ACLY: variants seen among roughly 807,000 people sequenced by gnomAD.
The protein encoded by ACLY is ATP citrate lyase, also known as ATP-citrate synthase.
Under a neutral mutation model 133.0 loss-of-function variants are expected in ACLY, and 41 were observed. The ratio of observed to expected loss-of-function variants is 0.31; its 90% CI spans 0.24 to 0.40. The LOEUF is 0.40. Ranked by LOEUF, ACLY falls within the 10% of genes least tolerant of loss-of-function variation. The probability of loss-of-function intolerance (pLI) is 1.00; values close to 1 mark genes in which losing one functional copy is unlikely to be tolerated. For synonymous variants in ACLY, 495 were observed against 549.3 expected (o/e 0.90, Z 1.38); for missense variants, 1,046 against 1,453.8 (o/e 0.72, Z 4.56).
chr17:41,908,510 T>C (rs945867680), intron 6 of ACLY, among the ~76,000 whole-genome samples: 13 of 152,194 alleles, frequency 8.5e-5, no homozygotes, highest in Non-Finnish European at 1.8e-4. Flanking sequence ...ACGCCTGTAA[T>C]CTCAGCACTT....
chr17:41,872,017 G>C lies in ACLY; in HGVS notation c.2793+15C>G, dbSNP rs782577207. The C allele has an allele frequency of 1.2e-6, 2 of 1,613,744 alleles. No homozygotes were observed. Among genetic ancestry groups the C allele is most frequent in the South Asian group, 2.2e-5 (2 of 91,048 alleles). Reference sequence around the variant, plus strand: ...AGTGTCCCCACTGTTCACCTCCCATGATGACAGTACTTACGATGGTGAGCA... The same window carrying C: ...AGTGTCCCCACTGTTCACCTCCCATCATGACAGTACTTACGATGGTGAGCA... On this transcript the variant is annotated intron_variant, in intron 24 of 28. Transcript: ENST00000352035.
Position 41,905,529 on chromosome 17 carries a change from G to T in ACLY, c.996C>A (p.His332Gln). 1 of 1,614,198 alleles carries T rather than the reference G, an allele frequency of 6.2e-7. No homozygotes were observed. The highest frequency in any genetic ancestry group is 2.2e-5 in the East Asian group (1 of 44,882). ...TILSLMTREK[H>Q]PDGKILIIGG... ...TGTGTGCAAGTATCTCACCATCTGG[G>T]TGCTTCTCTCGGGTCATGAGGGAGA... The change falls in exon 9 of 29, where the codon CAC becomes CAA. Residue 332 changes from histidine to glutamine, a missense_variant. By Grantham distance (24) the His-to-Gln change is conservative. Coordinates refer to ENST00000352035, the MANE Select transcript of ACLY (RefSeq NM_001096.3).
chr17:41,930,536 C>G, exon 1 of ACLY: 1 of 556,634 alleles, frequency 1.8e-6, no homozygotes, highest in Non-Finnish European at 3.2e-6. Context: ...GCCCAGTGCG[C>G]GGCAGAACTG....
In ACLY at chr17:41,898,861, G is replaced by C. The variant is rs937406164; in HGVS notation, c.1184-76C>G. The C allele has an allele frequency of 7.8e-6, 11 of 1,413,214 alleles. No individual in the cohort carries two copies. The African/African-American group carries it at 1.4e-4, about 18-fold the overall frequency. The allele number at this position is 1,413,214 out of a possible 1,614,324, so 87.5% of individuals were successfully genotyped here. ...CCAAGTCCATGTGACCCTGCAAAGG[G>C]CCTTTTACAGCCATGATCAGTGTTT... On this transcript the variant is annotated intron_variant, in intron 11 of 28. Transcript: ENST00000352035.
intron 28 of ACLY, among the ~76,000 whole-genome samples, chr17:41,868,325 C>T (rs1047590701): frequency 6.6e-6 from 1 of 150,564 alleles, no homozygotes; most frequent in African/African-American, 2.4e-5. Context: ...GTAGTCCCAG[C>T]TGCTTGGGAG....
At chr17:41,889,601 G>T (rs988035462) in intron 16 of ACLY, among the ~76,000 whole-genome samples, 6 of 141,242 alleles carry the variant, frequency 4.2e-5, no homozygotes, top group Non-Finnish European at 6.0e-5. Flanking sequence ...CTTCCTCTAG[G>T]TATCAAGACA....
chr17:41,874,577 T>C (rs972127790), intron 22 of ACLY, among the ~76,000 whole-genome samples: 130 of 143,444 alleles, frequency 9.1e-4, no homozygotes, highest in African/African-American at 1.9e-3. Flanking sequence ...ATTGCTTCTT[T>C]TTTTTTTTTT....
chr17:41,880,381 G>T lies in ACLY; in HGVS notation c.2266-1457C>A, dbSNP rs538909564. On this transcript the variant is annotated intron_variant, in intron 20 of 28. Coordinates refer to ENST00000352035, the MANE Select transcript of ACLY (RefSeq NM_001096.3). ...AGGAACTGCTGCTCTGTAAGCAAAG[G>T]TTGAAAGACACCTTAAAGCGTGAGT... 3.9e-5 allele frequency among the ~76,000 whole-genome samples: 6 copies of T among 152,292 alleles called. No homozygotes were observed. The East Asian group carries it at 1.2e-3, about 29-fold the overall frequency.
chr17:41,895,741 T>G (rs1394737079), intron 14 of ACLY, among the ~76,000 whole-genome samples: 1 of 152,182 alleles, frequency 6.6e-6, no homozygotes, highest in Non-Finnish European at 1.5e-5. Flanking sequence ...ACATCAGGAT[T>G]AAAGCCAGGT....
At chr17:41,887,193 C>T (rs1179161203) in intron 17 of ACLY, among the ~76,000 whole-genome samples, 7 of 148,024 alleles carry the variant, frequency 4.7e-5, no homozygotes, top group Non-Finnish European at 3.0e-5. Context: ...AACTCCAGCA[C>T]TTTGGGAGGC....
At chr17:41,882,372 A>AAAAAAAAC in intron 20 of ACLY, among the ~76,000 whole-genome samples, 1 of 129,048 alleles carries the variant, frequency 7.7e-6, no homozygotes, top group Non-Finnish European at 1.7e-5. Context: ...GTCTCCAAAA[A>AAAAAAAAC]AAAAAAAAAA....
chr17:41,909,137 C>T (rs782230519), intron 5 of ACLY, 69 bp from the exon 6 acceptor site: 22 of 1,227,916 alleles, frequency 1.8e-5, no homozygotes, highest in African/African-American at 1.6e-4. Flanking sequence ...CCAGGCGCCC[C>T]GCAGCAATCT....
At chr17:41,904,640 G>T in intron 10 of ACLY, 89 bp downstream of exon 10, 3 of 1,306,788 alleles carry the variant, frequency 2.3e-6, no homozygotes, top group Non-Finnish European at 3.3e-6. Context: ...TGGTAACTTG[G>T]CTCTGGCTCA....
At chr17:41,901,881 A>C in intron 10 of ACLY, 68 bp from the exon 11 acceptor site, 1 of 1,228,720 alleles carries the variant, frequency 8.1e-7, no homozygotes, top group South Asian at 1.4e-5. Flanking sequence ...TAACCGTGAT[A>C]AACAAACATA....
At chr17:41,902,866 G>A (rs886930816) in intron 10 of ACLY, among the ~76,000 whole-genome samples, 4 of 152,106 alleles carry the variant, frequency 2.6e-5, no homozygotes, top group African/African-American at 4.8e-5. Flanking sequence ...TCTCATTGTC[G>A]CCCAGGCTGA....
intron 14 of ACLY, among the ~76,000 whole-genome samples, chr17:41,896,331 T>G (rs1210576696): frequency 2.0e-5 from 3 of 152,152 alleles, no homozygotes; most frequent in East Asian, 3.9e-4. Flanking sequence ...TCTCCAGGGC[T>G]GTGGGTCTGG....
At chr17:41,883,736 C>T (rs1444546954) in intron 19 of ACLY, among the ~76,000 whole-genome samples, 2 of 151,770 alleles carry the variant, frequency 1.3e-5, no homozygotes, top group African/African-American at 2.4e-5. Context: ...AAGTGTGCAC[C>T]ACCATGCCTG....
chr17:41,896,628 G>C lies in ACLY; in HGVS notation c.1451C>G (p.Ser484Cys). The C allele has an allele frequency of 7.0e-6, 11 of 1,570,140 alleles. No homozygotes were observed. Among genetic ancestry groups the C allele is most frequent in the Non-Finnish European group, 9.5e-6 (11 of 1,157,306 alleles). ...MPQDSVPSPR[S>C]LQGKSTTLFS... is the part of the protein sequence containing the mutation. ...GGGTGGGGGCATCCTACCTTGCAGG[G>C]ATCTTGGACTTGGGACTGAATCTGT... Residue 484 changes from serine to cysteine, a missense_variant, in exon 14 of 29, where the codon TCC becomes TGC. Around this residue, in one of 4 missense-constraint regions of ACLY, gnomAD observed 575 missense variants for 804.2 expected, o/e 0.71. Coordinates refer to ENST00000352035, the MANE Select transcript of ACLY (RefSeq NM_001096.3).
At chr17:41,909,394 C>T (rs1567911155) in intron 5 of ACLY, 116 bp downstream of exon 5, 6 of 1,147,288 alleles carry the variant, frequency 5.2e-6, no homozygotes, top group African/African-American at 1.5e-5. Flanking sequence ...AGGACAGGGC[C>T]GTGTCTACCA....
Sources: gnomAD v4.1 joint callset for allele counts (sites outside exome capture counted in the v4.1 genomes callset) on GRCh38, gnomAD v4.1.1 for gene constraint, gnomAD v4.1.1 regional missense constraint, MANE v1.5 for transcripts, NCBI Gene and HGNC (gene_info 2026-07-23, HGNC 2026-07-21) for gene names.